The following GPATCH8 variants were observed in gnomAD, a reference collection of about 807,000 sequenced individuals.
The protein encoded by GPATCH8 is G-patch domain containing 8.
GPATCH8 carries 18 observed loss-of-function variants against 118.3 expected under a neutral mutation model. The ratio of observed to expected loss-of-function variants is 0.15; its 90% CI spans 0.11 to 0.23. The LOEUF (loss-of-function observed/expected upper bound fraction) is 0.23. Among genes scored for constraint, GPATCH8 ranks in the 10% least tolerant of loss-of-function variants. The pLI, the probability that GPATCH8 is intolerant of heterozygous loss-of-function variation, is 1.00. For missense variants in GPATCH8, 1,631 were observed against 1,873.8 expected (o/e 0.87, Z 2.39); for synonymous variants, 659 against 684.7 (o/e 0.96, Z 0.59).
At chr17:44,452,783 T>C (rs2051164132) in intron 3 of GPATCH8, among the ~76,000 whole-genome samples, 1 of 152,056 alleles carries the variant, frequency 6.6e-6, no homozygotes, top group Non-Finnish European at 1.5e-5. Context: ...ACCCTAAAAA[T>C]AAATTTCTCA....
intron 2 of GPATCH8, among the ~76,000 whole-genome samples, chr17:44,469,943 A>C (rs1234074936): frequency 6.6e-6 from 1 of 152,220 alleles, no homozygotes; most frequent in Non-Finnish European, 1.5e-5. Context: ...CAACATCACA[A>C]AACCCAATTA....
At chr17:44,419,899 A>G (rs557294633) in intron 6 of GPATCH8, among the ~76,000 whole-genome samples, 4 of 152,282 alleles carry the variant, frequency 2.6e-5, no homozygotes, top group African/African-American at 7.2e-5. Context: ...TTTTGTTTAT[A>G]TATTTATAAC....
chr17:44,404,972 C>T (rs1325325206), intron 7 of GPATCH8, among the ~76,000 whole-genome samples: 1 of 152,064 alleles, frequency 6.6e-6, no homozygotes, highest in African/African-American at 2.4e-5. Flanking sequence ...AGAGTAAGTT[C>T]CAGTGTTCTG....
intron 3 of GPATCH8, among the ~76,000 whole-genome samples, chr17:44,455,314 C>T (rs979916802): frequency 6.6e-6 from 1 of 152,100 alleles, no homozygotes; most frequent in African/African-American, 2.4e-5. Flanking sequence ...CCAGCCTGAC[C>T]AACATGGAGA....
intron 5 of GPATCH8, among the ~76,000 whole-genome samples, chr17:44,428,522 G>A (rs1414429334): frequency 2.6e-5 from 4 of 151,586 alleles, no homozygotes; most frequent in Non-Finnish European, 5.9e-5. Flanking sequence ...ACTTGTAGAG[G>A]CCAGGCATAG....
intron 7 of GPATCH8, among the ~76,000 whole-genome samples, chr17:44,403,184 T>C (rs918736660): frequency 1.3e-5 from 2 of 152,134 alleles, no homozygotes; most frequent in Non-Finnish European, 2.9e-5. Context: ...CAAGTGATTC[T>C]CCTCCCTCAG....
Position 44,400,564 on chromosome 17 carries a change from T to C in GPATCH8, c.1513A>G (p.Thr505Ala). The change falls in exon 8 of 8, where the codon ACC becomes GCC. Residue 505 changes from threonine (T) to alanine (A), a missense_variant. Thr to Ala is a moderately conservative substitution (Grantham distance 58). Coordinates refer to ENST00000591680, the MANE Select transcript of GPATCH8 (RefSeq NM_001002909.4). ...GAAGAGTTGGACTCACACATTTGGG[T>C]CTCTGAAACCTTCTGACTATGACTT... ...LESHSQKVSE[T>A]QMCESNSSKE... is the part of the protein sequence containing the mutation. The C allele has an allele frequency of 6.2e-7, 1 of 1,614,144 alleles. No homozygotes were observed. The highest frequency in any genetic ancestry group is 1.1e-5 in the South Asian group (1 of 91,084).
At chr17:44,442,213 T>TA (rs202099152) in intron 3 of GPATCH8, among the ~76,000 whole-genome samples, 70,987 of 131,936 alleles carry the variant, frequency 0.54, 20,266 homozygotes, top group Non-Finnish European at 0.66. Context: ...AGTGATGATG[T>TA]AAAAAAAAAA....
At chr17:44,417,023 G>A (rs1024909191) in intron 6 of GPATCH8, among the ~76,000 whole-genome samples, 5 of 152,052 alleles carry the variant, frequency 3.3e-5, no homozygotes, top group Non-Finnish European at 7.4e-5. Flanking sequence ...GAATCCTACA[G>A]TTAAAGGAAT....
At chr17:44,415,320 C>G (rs538951003) in intron 6 of GPATCH8, among the ~76,000 whole-genome samples, 1 of 152,116 alleles carries the variant, frequency 6.6e-6, no homozygotes, top group East Asian at 1.9e-4. Flanking sequence ...TTGAGTATCC[C>G]GTATCTGAAA....
intron 6 of GPATCH8, among the ~76,000 whole-genome samples, chr17:44,423,645 T>C (rs2049991986): frequency 6.6e-6 from 1 of 152,196 alleles, no homozygotes; most frequent in Non-Finnish European, 1.5e-5. Flanking sequence ...AAGCCAGAAC[T>C]GTCCTATAGG....
rs892626654 is a variant in GPATCH8 at position 44,399,352 on chromosome 17, G to A, written c.2725C>T (p.His909Tyr). 1.2e-6 allele frequency: 2 copies of A among 1,614,058 alleles called. No individual in the cohort carries two copies. Among genetic ancestry groups the A allele is most frequent in the Non-Finnish European group, 1.7e-6 (2 of 1,179,984 alleles). The change falls in exon 8 of 8, where the codon CAT becomes TAT. Residue 909 changes from histidine to tyrosine, a missense_variant. His to Tyr is a moderately conservative substitution (Grantham distance 83, BLOSUM62 2). This residue lies in a region of GPATCH8 where 922 missense variants were observed against 879.7 expected (regional missense o/e 1.05). Coordinates refer to ENST00000591680, the MANE Select transcript of GPATCH8 (RefSeq NM_001002909.4). ...GCATAGTCTGAGTCATCTGAGTCAT[G>A]GGAGCGCTTGGAGTGCCTTCGTGAT... ...DRSRRHSKRSHDSDDSDYASS... is the reference protein window; with the variant it reads ...DRSRRHSKRSYDSDDSDYASS...
intron 2 of GPATCH8, among the ~76,000 whole-genome samples, chr17:44,470,187 T>G (rs1385137187): frequency 6.6e-6 from 1 of 152,214 alleles, no homozygotes; most frequent in Non-Finnish European, 1.5e-5. Context: ...TCTATATAGC[T>G]TAAAGTCATT....
At position 44,396,895 on chromosome 17, in the gene GPATCH8, CT is replaced by C; in HGVS notation, c.*672del. On this transcript the variant is annotated 3_prime_UTR_variant, in exon 8 of 8. Coordinates refer to ENST00000591680, the MANE Select transcript of GPATCH8 (RefSeq NM_001002909.4). ...CAGCTTTTATTCATGATAGGATCTT[CT>C]TTTCTGGGATATGGAGATGCCTCTT... 2 of 454,218 alleles carry C rather than the reference CT, an allele frequency of 4.4e-6. No individual in the cohort carries two copies. Among genetic ancestry groups the C allele is most frequent in the Non-Finnish European group, 8.8e-6 (2 of 226,790 alleles). The allele number at this position is 454,218 out of a possible 1,614,324, so 28.1% of individuals were successfully genotyped here.
At chr17:44,415,900 T>C (rs1338108731) in intron 6 of GPATCH8, among the ~76,000 whole-genome samples, 1 of 152,222 alleles carries the variant, frequency 6.6e-6, no homozygotes, top group African/African-American at 2.4e-5. Context: ...AACAAGAGAA[T>C]GCCTGGTTTA....
At chr17:44,418,681 G>A (rs1195174741) in intron 6 of GPATCH8, among the ~76,000 whole-genome samples, 1 of 152,072 alleles carries the variant, frequency 6.6e-6, no homozygotes, top group East Asian at 1.9e-4. Context: ...TCGATCTCCT[G>A]ACCTTGTGAT....
chr17:44,494,004 C>A (rs1431737022), intron 1 of GPATCH8, among the ~76,000 whole-genome samples: 1 of 152,172 alleles, frequency 6.6e-6, no homozygotes. Flanking sequence ...CCTTAACTTC[C>A]TTTCCTACAA....
chr17:44,424,975 G>A (rs1290983413), intron 5 of GPATCH8, among the ~76,000 whole-genome samples: 1 of 152,144 alleles, frequency 6.6e-6, no homozygotes, highest in Non-Finnish European at 1.5e-5. Flanking sequence ...TGGTCTCAGC[G>A]AGATTGAAAA....
At chr17:44,500,870 A>T (rs1970006522) in intron 1 of GPATCH8, among the ~76,000 whole-genome samples, 1 of 152,260 alleles carries the variant, frequency 6.6e-6, no homozygotes, top group Non-Finnish European at 1.5e-5. Context: ...TTTCAGATAC[A>T]TTATTCACAG....
Sources: allele counts gnomAD v4.1 joint callset (sites outside exome capture counted in the v4.1 genomes callset), GRCh38; gene constraint gnomAD v4.1.1; regional missense constraint gnomAD v4.1.1; transcripts MANE v1.5; gene names NCBI Gene and HGNC (gene_info 2026-07-23, HGNC 2026-07-21).